Variants in OTOGL observed in about 807,000 individuals in gnomAD.
The protein encoded by OTOGL is otogelin-like protein.
OTOGL carries 285 observed loss-of-function variants against 318.5 expected under a neutral mutation model. The observed-to-expected ratio is 0.89, with a 90% confidence interval of 0.81 to 0.99. OTOGL has a LOEUF of 0.99. Ranked by LOEUF, OTOGL falls within the 50% of genes least tolerant of loss-of-function variation. The pLI is 0.00. For synonymous variants in OTOGL, 987 were observed against 936.5 expected, an observed-to-expected ratio of 1.05 and a Z score of -0.99; for missense variants, 2,899 against 2,845.6, an observed-to-expected ratio of 1.02 and a Z score of -0.43.
At position 80,377,868 on chromosome 12, in the gene OTOGL, C is replaced by T. The variant is rs751285103; in HGVS notation, c.6882C>T (p.Asp2294=). 112 of 1,609,512 alleles carry T rather than the reference C, an allele frequency of 7.0e-5. No individual in the cohort carries two copies. Among genetic ancestry groups the T allele is most frequent in the Middle Eastern group, 3.3e-4 (2 of 6,070 alleles). The change falls in exon 59 of 59, where the codon GAC becomes GAT. Residue 2294 remains aspartate, a synonymous_variant. Coordinates refer to ENST00000547103, the MANE Select transcript of OTOGL (RefSeq NM_001378609.3). Reference sequence around the variant, plus strand: ...TACAGATAAATGTTGCATCTTGTGACGGCAAATGCCCATCAGCTACCATAT... The same window carrying T: ...TACAGATAAATGTTGCATCTTGTGATGGCAAATGCCCATCAGCTACCATAT... The part of the protein sequence containing the change: ...SQSPINVASC[D]GKCPSATIYN...
Position 80,378,171 on chromosome 12 carries a change from A to G in OTOGL, c.*123A>G. The G allele has an allele frequency of 1.4e-6, 1 of 731,766 alleles. No individual in the cohort carries two copies. Among genetic ancestry groups the G allele is most frequent in the Non-Finnish European group, 2.1e-6 (1 of 471,168 alleles). 45.3% of individuals were successfully genotyped at this position (731,766 alleles called of 1,614,324 possible). Reference sequence around the variant, plus strand: ...ACAATACTGTATTTTTCAGACTTGGAATGTGGAAATTTAGCAATTTGTACA... The same window carrying G: ...ACAATACTGTATTTTTCAGACTTGGGATGTGGAAATTTAGCAATTTGTACA... On this transcript the variant is annotated 3_prime_UTR_variant, in exon 59 of 59. Coordinates refer to ENST00000547103, the MANE Select transcript of OTOGL (RefSeq NM_001378609.3).
chr12:80,248,234 T>C (rs1370144810), intron 11 of OTOGL, among the ~76,000 whole-genome samples: 4,778 of 147,024 alleles, frequency 0.032, 258 homozygotes, highest in African/African-American at 0.12. Flanking sequence ...TTTTGCTCGT[T>C]AGTTGATGCA....
intron 1 of OTOGL, among the ~76,000 whole-genome samples, chr12:80,146,327 T>G: frequency 6.8e-6 from 1 of 147,580 alleles, no homozygotes; most frequent in Non-Finnish European, 1.5e-5. Flanking sequence ...ATGTGGTTTT[T>G]GTCTTTGGCT....
intron 1 of OTOGL, among the ~76,000 whole-genome samples, chr12:80,137,594 A>G (rs1455854395): frequency 6.6e-6 from 1 of 152,184 alleles, no homozygotes; most frequent in African/African-American, 2.4e-5. Context: ...ACCAGATTCT[A>G]AGAATTTATT....
chr12:80,297,014 A>G (rs865867523), intron 27 of OTOGL, 53 bp downstream of exon 27: 2 of 1,381,510 alleles, frequency 1.4e-6, no homozygotes, highest in African/African-American at 2.8e-5. Flanking sequence ...AGGATACTGA[A>G]AATAGAATAG....
chr12:80,239,510 T>A, intron 11 of OTOGL, 71 bp downstream of exon 11: 1 of 1,055,900 alleles, frequency 9.5e-7, no homozygotes, highest in Non-Finnish European at 1.4e-6. Context: ...CTACTTCTGT[T>A]ACTTAACCAT....
chr12:80,144,176 A>T (rs764701014), intron 1 of OTOGL, among the ~76,000 whole-genome samples: 26 of 151,890 alleles, frequency 1.7e-4, no homozygotes, highest in Non-Finnish European at 3.4e-4. Flanking sequence ...ATCTAGCATT[A>T]GGTGTATCTC....
chr12:80,370,664 CT>C lies in OTOGL; in HGVS notation c.6714del (p.Phe2238LeufsTer8). 1 of 1,585,596 alleles carries C rather than the reference CT, an allele frequency of 6.3e-7. No individual in the cohort carries two copies. Among genetic ancestry groups the C allele is most frequent in the Non-Finnish European group, 8.6e-7 (1 of 1,162,486 alleles). On this transcript the variant is annotated frameshift_variant, in exon 56 of 59. Coordinates refer to ENST00000547103, the MANE Select transcript of OTOGL (RefSeq NM_001378609.3). LOFTEE classifies it high-confidence loss of function. ...IILNYTMVCPPFNETECKMNE... is the reference protein window; with the variant it reads ...IILNYTMVCPXFNETECKMNE... ...CTGAACTACACAATGGTCTGTCCCC[CT>C]TTTAATGAGACTGAATGCAAAATGG...
rs372907185 is a variant in OTOGL, at chr12:80,376,918, C to G, written c.6782-205C>G. ...AAGTGGAAATCAATAAGTGTAAAGC[C>G]AGAAAATATAAGAAAATCTATTTAG... On this transcript the variant is annotated intron_variant, in intron 57 of 58. Transcript: ENST00000547103. Among the ~76,000 whole-genome samples the G allele has an allele frequency of 4.6e-5, 7 of 151,596 alleles. No homozygotes were observed. The East Asian group carries it at 1.2e-3, about 25-fold the overall frequency.
intron 2 of OTOGL, among the ~76,000 whole-genome samples, chr12:80,210,310 T>C (rs566538357): frequency 1.3e-5 from 2 of 152,258 alleles, no homozygotes; most frequent in Non-Finnish European, 2.9e-5. Context: ...TTATTTTCAG[T>C]TGTTGATTTT....
At chr12:80,234,735 TA>T (rs1313942850) in intron 9 of OTOGL, among the ~76,000 whole-genome samples, 1 of 152,186 alleles carries the variant, frequency 6.6e-6, no homozygotes, top group Non-Finnish European at 1.5e-5. Context: ...GAGAAGCCTT[TA>T]TTAAAATGCA....
At chr12:80,218,730 G>A (rs918594242) in intron 5 of OTOGL, among the ~76,000 whole-genome samples, 26 of 150,900 alleles carry the variant, frequency 1.7e-4, no homozygotes, top group African/African-American at 6.1e-4. Flanking sequence ...TTTGGTGACA[G>A]CAGTGACTTT....
chr12:80,271,442 G>A (rs1006255455), intron 23 of OTOGL, among the ~76,000 whole-genome samples: 2 of 151,948 alleles, frequency 1.3e-5, no homozygotes, highest in Non-Finnish European at 2.9e-5. Flanking sequence ...CTGAAAAATT[G>A]ATAATATATG....
chr12:80,128,215 T>G (rs1870984526), intron 1 of OTOGL, among the ~76,000 whole-genome samples: 1 of 152,160 alleles, frequency 6.6e-6, no homozygotes. Context: ...CAGATGGGGT[T>G]TTGGTGTGGA....
At chr12:80,215,710 T>C (rs1025443926) in intron 4 of OTOGL, among the ~76,000 whole-genome samples, 1 of 152,182 alleles carries the variant, frequency 6.6e-6, no homozygotes, top group Non-Finnish European at 1.5e-5. Context: ...ATTAAAGGGA[T>C]AGACATAAAT....
chr12:80,380,246 G>C lies in OTOGL; in HGVS notation c.*2198G>C, dbSNP rs1891385855. On this transcript the variant is annotated 3_prime_UTR_variant, in exon 59 of 59. Coordinates refer to ENST00000547103, the MANE Select transcript of OTOGL (RefSeq NM_001378609.3). ...CATTCTAATTGTGACTCAGTATCCA[G>C]ATACCCCAAATAAATGATTCATAGA... is the stretch of plus-strand genomic sequence containing the variant. The C allele has an allele frequency of 6.6e-6, 1 of 152,006 alleles. No individual in the cohort carries two copies. Among genetic ancestry groups the C allele is most frequent in the East Asian group, 1.9e-4 (1 of 5,164 alleles). The allele number at this position is 152,006 out of a possible 1,614,324, so 9.4% of individuals were successfully genotyped here. A position where few individuals can be genotyped will look rare whatever the true frequency, so the allele number is the denominator to read the frequency against.
chr12:80,341,882 T>G, intron 43 of OTOGL, 66 bp from the exon 44 acceptor site: 1 of 1,033,184 alleles, frequency 9.7e-7, no homozygotes, highest in East Asian at 2.6e-5. Context: ...ATTATTTAAC[T>G]GATTTAGTTG....
chr12:80,348,877 A>G (rs977729920), intron 44 of OTOGL, among the ~76,000 whole-genome samples: 5 of 152,058 alleles, frequency 3.3e-5, no homozygotes, highest in South Asian at 4.1e-4. Flanking sequence ...CCTTTTTAGC[A>G]TGGTGGCTTC....
chr12:80,110,584 A>C (rs190910716), intron 1 of OTOGL, among the ~76,000 whole-genome samples: 1 of 152,126 alleles, frequency 6.6e-6, no homozygotes, highest in Non-Finnish European at 1.5e-5. Flanking sequence ...ACATGAATTC[A>C]TTCTTTTTTA....
Sources: allele counts gnomAD v4.1 joint callset (sites outside exome capture counted in the v4.1 genomes callset), GRCh38; gene constraint gnomAD v4.1.1; transcripts MANE v1.5; gene names NCBI Gene and HGNC (gene_info 2026-07-23, HGNC 2026-07-21).